Variants in CDC14A observed in about 807,000 individuals in gnomAD.
CDC14A encodes the protein cell division cycle 14A, also known as dual specificity protein phosphatase CDC14A.
Under a neutral mutation model 74.4 loss-of-function variants are expected in CDC14A, and 53 were observed. The observed-to-expected ratio is 0.71, with a 90% CI of 0.57 to 0.89. CDC14A has a LOEUF of 0.89. Among genes scored for constraint, CDC14A ranks in the 40% least tolerant of loss-of-function variants. CDC14A has a pLI of 0.00. For missense variants in CDC14A, 646 were observed against 713.7 expected, an observed-to-expected ratio of 0.91 and a Z score of 1.08; for synonymous variants, 247 against 258.4, an observed-to-expected ratio of 0.96 and a Z score of 0.43.
At chr1:100,484,793 C>T (rs1669865063) in intron 11 of CDC14A, 11 of 988,774 alleles carry the variant, frequency 1.1e-5, no homozygotes, top group Non-Finnish European at 1.3e-5. Flanking sequence ...TAATACATAC[C>T]ACAAGTGGTG....
intron 2 of CDC14A, among the ~76,000 whole-genome samples, chr1:100,356,673 T>G (rs143788195): frequency 0.065 from 9,860 of 151,444 alleles, 540 homozygotes; most frequent in African/African-American, 0.15. Flanking sequence ...GGCCAACATG[T>G]TGAAACCCCG....
At chr1:100,460,353 G>GA (rs1667198410) in intron 8 of CDC14A, among the ~76,000 whole-genome samples, 1 of 152,160 alleles carries the variant, frequency 6.6e-6, no homozygotes, top group South Asian at 2.1e-4. Flanking sequence ...ATTCATATAT[G>GA]AAAAGAGAGA....
At chr1:100,417,332 A>G (rs1025923988) in intron 4 of CDC14A, among the ~76,000 whole-genome samples, 5 of 152,126 alleles carry the variant, frequency 3.3e-5, no homozygotes, top group Non-Finnish European at 5.9e-5. Context: ...AAGCTCCATA[A>G]TGGAGATTTC....
At chr1:100,511,803 T>C (rs1180672699) in intron 15 of CDC14A, among the ~76,000 whole-genome samples, 1 of 152,204 alleles carries the variant, frequency 6.6e-6, no homozygotes, top group Non-Finnish European at 1.5e-5. Context: ...CCTTTCTGTC[T>C]TCCTGTCTCT....
intron 15 of CDC14A, among the ~76,000 whole-genome samples, chr1:100,514,237 A>C (rs568751631): frequency 6.6e-6 from 1 of 152,290 alleles, no homozygotes; most frequent in Non-Finnish European, 1.5e-5. Flanking sequence ...CAGATTCATT[A>C]ATTCATTATT....
intron 4 of CDC14A, chr1:100,394,132 T>C: frequency 5.7e-6 from 1 of 176,656 alleles, no homozygotes; most frequent in East Asian, 1.7e-4. Flanking sequence ...ATTTATTTAT[T>C]GAGACTGAGT....
At position 100,498,211 on chromosome 1, in the gene CDC14A, A is replaced by AC. The variant is rs1557830730; in HGVS notation, c.1421+4_1421+5insC. On this transcript the variant is annotated splice_donor_region_variant and intron_variant, in intron 14 of 15. Transcript: ENST00000336454. The stretch of plus-strand genomic sequence containing the variant: ...CTTCGGGTGCCACTGTAAGAAGGTA[A>AC]TTTTTCTCTCCCTCTTCTAAGGTGC... The AC allele has an allele frequency of 1.9e-6, 3 of 1,613,150 alleles. No homozygotes were observed. The highest frequency in any genetic ancestry group is 3.3e-5 in the Admixed American group (2 of 59,838).
At chr1:100,479,410 T>C (rs1288150667) in intron 10 of CDC14A, among the ~76,000 whole-genome samples, 1 of 152,174 alleles carries the variant, frequency 6.6e-6, no homozygotes, top group African/African-American at 2.4e-5. Flanking sequence ...ATGTAGCTTT[T>C]TAATCTCTCT....
chr1:100,451,541 G>T (rs2101164200), intron 7 of CDC14A, among the ~76,000 whole-genome samples: 1 of 152,260 alleles, frequency 6.6e-6, no homozygotes, highest in South Asian at 2.1e-4. Flanking sequence ...CAGCATATTT[G>T]CATTTATGTA....
intron 4 of CDC14A, among the ~76,000 whole-genome samples, chr1:100,404,862 C>A (rs56953413): frequency 0.12 from 13,444 of 108,560 alleles, 2,066 homozygotes; most frequent in African/African-American, 0.42. Flanking sequence ...CAAAACAAAA[C>A]AAAAAACTAA....
intron 3 of CDC14A, among the ~76,000 whole-genome samples, chr1:100,384,062 AT>A (rs1656515674): frequency 6.6e-6 from 1 of 151,980 alleles, no homozygotes; most frequent in African/African-American, 2.4e-5. Context: ...GCTTGTCATT[AT>A]TTTTTTCTCT....
chr1:100,497,650 A>G (rs1026590800), intron 13 of CDC14A, among the ~76,000 whole-genome samples: 4 of 152,220 alleles, frequency 2.6e-5, no homozygotes, highest in Non-Finnish European at 5.9e-5. Context: ...ACATATAAGA[A>G]GTGGAATCTA....
At chr1:100,443,757 T>C (rs368483526) in intron 7 of CDC14A, among the ~76,000 whole-genome samples, 6 of 152,214 alleles carry the variant, frequency 3.9e-5, no homozygotes, top group South Asian at 4.1e-4. Flanking sequence ...GATTAATGTC[T>C]TGACTGCTCA....
At position 100,377,628 on chromosome 1, in the gene CDC14A, A is replaced by G. The variant is rs552570788; in HGVS notation, c.216+7A>G. 1.0e-5 allele frequency: 16 copies of G among 1,592,508 alleles called. No homozygotes were observed. In the South Asian group the frequency reaches 1.8e-4, roughly 18 times the overall value. On this transcript the variant is annotated splice_region_variant and intron_variant, in intron 3 of 15. Transcript: ENST00000336454. ...ACTAAACAAGAAACTAAAAGTGAGT[A>G]TTGTAGTGATATTTATAATTTGGAA...
chr1:100,386,218 A>C (rs1249065277), intron 3 of CDC14A, among the ~76,000 whole-genome samples: 2 of 152,052 alleles, frequency 1.3e-5, no homozygotes, highest in African/African-American at 2.4e-5. Context: ...GAAATCTAAA[A>C]CATAAGGTGG....
At chr1:100,374,105 T>G (rs1372874563) in intron 2 of CDC14A, among the ~76,000 whole-genome samples, 1 of 152,218 alleles carries the variant, frequency 6.6e-6, no homozygotes, top group African/African-American at 2.4e-5. Flanking sequence ...ATTTCCAATT[T>G]CATCCATGTC....
chr1:100,420,053 C>CATAT (rs1420823843), intron 4 of CDC14A, among the ~76,000 whole-genome samples: 14 of 18,392 alleles, frequency 7.6e-4, no homozygotes, highest in African/African-American at 2.5e-3. Context: ...CACACACACA[C>CATAT]ACACACACAC....
chr1:100,351,011 T>C (rs540726322), upstream of CDC14A, among the ~76,000 whole-genome samples: 43 of 152,136 alleles, frequency 2.8e-4, no homozygotes, highest in African/African-American at 1.0e-3. Flanking sequence ...CTGGCCAACA[T>C]GGCAAAACCC....
At chr1:100,480,622 G>T (rs561931061) in intron 10 of CDC14A, among the ~76,000 whole-genome samples, 1 of 152,160 alleles carries the variant, frequency 6.6e-6, no homozygotes, top group African/African-American at 2.4e-5. Context: ...AACAATGCAC[G>T]AGGGGTCCAG....
Sources: allele counts gnomAD v4.1 joint callset (sites outside exome capture counted in the v4.1 genomes callset), GRCh38; gene constraint gnomAD v4.1.1; transcripts MANE v1.5; gene names NCBI Gene and HGNC (gene_info 2026-07-23, HGNC 2026-07-21).